Variants in LRGUK observed in about 807,000 individuals in gnomAD.
LRGUK encodes the protein leucine-rich repeat and guanylate kinase domain-containing protein.
Under a neutral mutation model 76.0 loss-of-function variants are expected in LRGUK, and 65 were observed. The observed-to-expected ratio is 0.85, with a 90% confidence interval of 0.70 to 1.05. The LOEUF is 1.05. LRGUK is among the 50% of genes least tolerant of loss of function. LRGUK has a pLI of 0.00. For synonymous variants in LRGUK, 268 were observed against 265.6 expected (o/e 1.01, Z -0.09); for missense variants, 758 against 732.8 (o/e 1.03, Z -0.40).
At chr7:134,210,686 A>G (rs1801225504), downstream of LRGUK, among the ~76,000 whole-genome samples, 1 of 152,140 alleles carries the variant, frequency 6.6e-6, no homozygotes, top group South Asian at 2.1e-4. Context: ...GAGGAGAGAG[A>G]TTGCTTCGCA....
At chr7:134,273,949 T>G in the LRGUK span, among the ~76,000 whole-genome samples, 1 of 152,234 alleles carries the variant, frequency 6.6e-6, no homozygotes, top group Non-Finnish European at 1.5e-5. Flanking sequence ...AATTTGTTAT[T>G]GGTCTGCATT....
chr7:134,207,085 A>C (rs2117112086), intron 15 of LRGUK, among the ~76,000 whole-genome samples: 1 of 152,330 alleles, frequency 6.6e-6, no homozygotes, highest in African/African-American at 2.4e-5. Context: ...TTAAGGAGCA[A>C]AAGAAGCTTT....
At chr7:134,165,857 T>TG (rs1798956373) in intron 7 of LRGUK, among the ~76,000 whole-genome samples, 1 of 152,178 alleles carries the variant, frequency 6.6e-6, no homozygotes, top group South Asian at 2.1e-4. Context: ...TCAAATTGTA[T>TG]TTGACAAACT....
chr7:134,218,575 C>G (rs1318475604), intron 15 of LRGUK, among the ~76,000 whole-genome samples: 1 of 152,162 alleles, frequency 6.6e-6, no homozygotes, highest in East Asian at 1.9e-4. Context: ...AAGTTCATCA[C>G]TAATTATTGA....
chr7:134,275,959 T>G, the LRGUK span, among the ~76,000 whole-genome samples: 2 of 152,180 alleles, frequency 1.3e-5, no homozygotes, highest in African/African-American at 2.4e-5. Flanking sequence ...AATCACAAAA[T>G]GAAGCTTCCT....
intron 6 of LRGUK, among the ~76,000 whole-genome samples, chr7:134,162,953 CA>C (rs1219377912): frequency 6.6e-6 from 1 of 151,078 alleles, no homozygotes; most frequent in Non-Finnish European, 1.5e-5. Context: ...TGAGTGATTA[CA>C]TTTAGGGTGT....
chr7:134,153,007 A>C (rs1395474375), intron 5 of LRGUK, among the ~76,000 whole-genome samples: 1 of 152,030 alleles, frequency 6.6e-6, no homozygotes, highest in Non-Finnish European at 1.5e-5. Context: ...GGAAGGAGAC[A>C]CAGGGTAGAT....
intron 1 of LRGUK, among the ~76,000 whole-genome samples, chr7:134,136,407 T>C (rs1797543558): frequency 6.6e-6 from 1 of 152,178 alleles, no homozygotes; most frequent in Non-Finnish European, 1.5e-5. Flanking sequence ...TCTCTACCAA[T>C]CTGGCAAGAA....
intron 5 of LRGUK, among the ~76,000 whole-genome samples, chr7:134,150,005 G>A (rs1451219893): frequency 6.6e-6 from 1 of 152,192 alleles, no homozygotes; most frequent in Non-Finnish European, 1.5e-5. Flanking sequence ...GCCGGGCGTG[G>A]TGGCTTATGC....
intron 16 of LRGUK, among the ~76,000 whole-genome samples, chr7:134,235,162 T>A (rs1801984468): frequency 6.6e-6 from 1 of 152,208 alleles, no homozygotes; most frequent in Admixed American, 6.5e-5. Context: ...CCCCCTCTGC[T>A]CAAATACCTG....
At chr7:134,197,728 C>T (rs1800565719) in intron 13 of LRGUK, among the ~76,000 whole-genome samples, 1 of 152,080 alleles carries the variant, frequency 6.6e-6, no homozygotes, top group African/African-American at 2.4e-5. Context: ...CCCTGTCTTC[C>T]CCCAACAATG....
intron 16 of LRGUK, among the ~76,000 whole-genome samples, chr7:134,230,890 G>T (rs763398315): frequency 1.3e-4 from 20 of 152,184 alleles, no homozygotes; most frequent in Non-Finnish European, 2.8e-4. Context: ...GGGGAAAATG[G>T]TGGTAATAGT....
chr7:134,245,212 AAAAT>A (rs1172306459), intron 16 of LRGUK, among the ~76,000 whole-genome samples: 1 of 152,204 alleles, frequency 6.6e-6, no homozygotes, highest in African/African-American at 2.4e-5. Context: ...AAACAAAACA[AAAAT>A]AAATAAATAA....
intron 19 of LRGUK, 46 bp from the exon 20 acceptor site, chr7:134,263,799 C>A: frequency 6.4e-7 from 1 of 1,551,630 alleles, no homozygotes. Context: ...CTCTTTGTAC[C>A]AAGAAACCAA....
chr7:134,252,287 A>G (rs568464329), intron 18 of LRGUK, among the ~76,000 whole-genome samples: 3 of 152,192 alleles, frequency 2.0e-5, no homozygotes, highest in East Asian at 3.9e-4. Context: ...GCAGTGAGCC[A>G]TGATTGCACC....
intron 16 of LRGUK, among the ~76,000 whole-genome samples, chr7:134,230,153 A>G (rs1351266686): frequency 2.6e-5 from 4 of 152,146 alleles, no homozygotes; most frequent in Non-Finnish European, 5.9e-5. Context: ...GTGTATCCGA[A>G]ATATATAAAG....
At chr7:134,153,038 T>A (rs571838704) in intron 5 of LRGUK, among the ~76,000 whole-genome samples, 1 of 152,212 alleles carries the variant, frequency 6.6e-6, no homozygotes, top group South Asian at 2.1e-4. Context: ...AATTTTCTGC[T>A]GATTGGGCTG....
At chr7:134,166,790 T>C (rs1799008180) in intron 7 of LRGUK, among the ~76,000 whole-genome samples, 1 of 152,198 alleles carries the variant, frequency 6.6e-6, no homozygotes, top group Non-Finnish European at 1.5e-5. Flanking sequence ...TGCCGAAGAC[T>C]CCTTGCTTCT....
At chr7:134,248,517 TAG>T (rs889847057) in intron 17 of LRGUK, among the ~76,000 whole-genome samples, 4 of 152,348 alleles carry the variant, frequency 2.6e-5, no homozygotes, top group African/African-American at 7.2e-5. Context: ...TATTTTATGC[TAG>T]AGTTTAGTTG....
Sources: allele counts gnomAD v4.1 joint callset (sites outside exome capture counted in the v4.1 genomes callset), GRCh38; gene constraint gnomAD v4.1.1; transcripts MANE v1.5; gene names NCBI Gene and HGNC (gene_info 2026-07-23, HGNC 2026-07-21).